Variants in KCNN2 observed in about 807,000 individuals in gnomAD.
KCNN2 encodes potassium calcium-activated channel subfamily N member 2, also known as small conductance calcium-activated potassium channel protein 2.
A neutral mutation model predicts 55.5 loss-of-function variants in KCNN2; 24 were observed. The observed-to-expected ratio is 0.43, with a 90% confidence interval of 0.31 to 0.61. The LOEUF (loss-of-function observed/expected upper bound fraction) is 0.61, where lower values mean the gene tolerates loss of function less well. Ranked by LOEUF, KCNN2 falls within the 20% of genes least tolerant of loss-of-function variation. The probability of loss-of-function intolerance (pLI) is 0.08; values close to 1 mark genes in which losing one functional copy is unlikely to be tolerated. For missense variants in KCNN2, 754 were observed against 853.6 expected (o/e 0.88, Z 1.45); for synonymous variants, 431 against 336.1 (o/e 1.28, Z -3.09).
Position 114,290,609 on chromosome 5 carries a change from T to C in KCNN2, c.-185+69044T>C, listed in dbSNP as rs182555664. Among the ~76,000 whole-genome samples, 235 of 152,256 alleles carry C rather than the reference T, an allele frequency of 1.5e-3. 2 individuals carry two copies. The highest frequency in any genetic ancestry group is 5.3e-3 in the African/African-American group (222 of 41,582). Reference sequence around the variant, plus strand: ...TCTCTAATTTTTATTATTACTTTCTTCCTGTTAGCTTTGTCTTCAGTCTGC... The same window carrying C: ...TCTCTAATTTTTATTATTACTTTCTCCCTGTTAGCTTTGTCTTCAGTCTGC... On this transcript the variant is annotated intron_variant, in intron 2 of 10. Transcript: ENST00000512097.
At chr5:114,470,945 T>G (rs945267925) in intron 4 of KCNN2, among the ~76,000 whole-genome samples, 13 of 152,180 alleles carry the variant, frequency 8.5e-5, no homozygotes, top group African/African-American at 3.1e-4. Flanking sequence ...TTTTACAAAC[T>G]CTCCAAGTGA....
chr5:114,296,022 G>T (rs1756005442), intron 2 of KCNN2, among the ~76,000 whole-genome samples: 1 of 152,048 alleles, frequency 6.6e-6, no homozygotes, highest in East Asian at 1.9e-4. Flanking sequence ...GGTATTATTG[G>T]TATTAACAAA....
intron 2 of KCNN2, among the ~76,000 whole-genome samples, chr5:114,247,626 T>G (rs1242481066): frequency 6.6e-6 from 1 of 152,196 alleles, no homozygotes; most frequent in Non-Finnish European, 1.5e-5. Context: ...TGCCTAATGT[T>G]TTTAGTAGCC....
chr5:114,202,042 G>T (rs1336198501), intron 1 of KCNN2, among the ~76,000 whole-genome samples: 2 of 152,150 alleles, frequency 1.3e-5, no homozygotes, highest in Non-Finnish European at 2.9e-5. Flanking sequence ...GAGCAGGGTG[G>T]CAGGGACCAT....
chr5:114,383,549 A>T (rs1032095220), intron 2 of KCNN2, among the ~76,000 whole-genome samples: 1 of 147,412 alleles, frequency 6.8e-6, no homozygotes, highest in Admixed American at 6.9e-5. Context: ...GCCCACTGCA[A>T]CCTCCGCCTT....
Position 114,362,689 on chromosome 5 carries a change from C to G in KCNN2, c.550C>G (p.His184Asp). The change falls in exon 1 of 8, where the codon CAC becomes GAC. Residue 184 changes from histidine (H) to aspartate (D), a missense_variant. Transcript: ENST00000673685. The stretch of plus-strand genomic sequence containing the variant: ...TCTGGGCTCCGGGCCCCCGCTCTCG[C>G]ACCACCACCACCACCCGCACCCGGC... ...GSLGSGPPLSHHHHHPHPAHH... is the reference protein window; with the variant it reads ...GSLGSGPPLSDHHHHPHPAHH... 1 of 1,420,578 alleles carries G rather than the reference C, an allele frequency of 7.0e-7. No homozygotes were observed. The highest frequency in any genetic ancestry group is 9.2e-7 in the Non-Finnish European group (1 of 1,081,570). The allele number at this position is 1,420,578 out of a possible 1,614,324, so 88.0% of individuals were successfully genotyped here. A position where few individuals can be genotyped will look rare whatever the true frequency, so the allele number is the denominator to read the frequency against.
At chr5:114,241,408 G>C (rs954641123) in intron 2 of KCNN2, among the ~76,000 whole-genome samples, 1 of 151,724 alleles carries the variant, frequency 6.6e-6, no homozygotes, top group African/African-American at 2.4e-5. Flanking sequence ...TGTATACCAA[G>C]TTGCTATAAT....
chr5:114,388,700 A>G (rs114392844), intron 2 of KCNN2, among the ~76,000 whole-genome samples: 2 of 152,124 alleles, frequency 1.3e-5, no homozygotes, highest in Admixed American at 1.3e-4. Flanking sequence ...GTATGTCTCA[A>G]AATGTCTTTC....
chr5:114,187,169 G>C (rs1753350841), intron 1 of KCNN2, among the ~76,000 whole-genome samples: 1 of 152,112 alleles, frequency 6.6e-6, no homozygotes, highest in Non-Finnish European at 1.5e-5. Flanking sequence ...CTAGGTGAGA[G>C]ACAGATTTGT....
chr5:114,335,193 G>A (rs943753230), intron 2 of KCNN2, among the ~76,000 whole-genome samples: 1 of 152,140 alleles, frequency 6.6e-6, no homozygotes, highest in African/African-American at 2.4e-5. Flanking sequence ...AGAGTGCTGG[G>A]ATTACAGGCA....
chr5:114,081,877 A>G (rs915151628), intron 1 of KCNN2, among the ~76,000 whole-genome samples: 1 of 152,210 alleles, frequency 6.6e-6, no homozygotes, highest in South Asian at 2.1e-4. Context: ...CTAATAAAGG[A>G]TTGATATCTA....
At chr5:114,121,234 A>G (rs1295905498) in intron 1 of KCNN2, among the ~76,000 whole-genome samples, 1 of 152,206 alleles carries the variant, frequency 6.6e-6, no homozygotes. Flanking sequence ...CCAGGGTTCC[A>G]TGGCTGGACT....
chr5:114,196,287 A>G (rs1330510508), intron 1 of KCNN2, among the ~76,000 whole-genome samples: 1 of 151,920 alleles, frequency 6.6e-6, no homozygotes, highest in Non-Finnish European at 1.5e-5. Flanking sequence ...TTTGTTTCAA[A>G]TTTTAACATC....
chr5:114,108,883 A>C (rs1173318908), intron 1 of KCNN2, among the ~76,000 whole-genome samples: 1 of 152,120 alleles, frequency 6.6e-6, no homozygotes, highest in African/African-American at 2.4e-5. Context: ...TTGGGTAAAC[A>C]GAAGTGGAAC....
chr5:114,328,742 A>G (rs1158337112), intron 2 of KCNN2, among the ~76,000 whole-genome samples: 1 of 152,026 alleles, frequency 6.6e-6, no homozygotes, highest in East Asian at 1.9e-4. Flanking sequence ...CTTAGGGAAC[A>G]CCTTCCTCAC....
intron 1 of KCNN2, among the ~76,000 whole-genome samples, chr5:114,101,552 A>C (rs562333392): frequency 6.6e-6 from 1 of 151,918 alleles, no homozygotes; most frequent in East Asian, 1.9e-4. Context: ...GTCGTCTGCA[A>C]TTAGGTATTT....
At chr5:114,068,245 A>G (rs1750491133) in intron 1 of KCNN2, among the ~76,000 whole-genome samples, 1 of 152,262 alleles carries the variant, frequency 6.6e-6, no homozygotes, top group Admixed American at 6.5e-5. Flanking sequence ...TCCTTGGAAC[A>G]TAATTATTAA....
intron 1 of KCNN2, among the ~76,000 whole-genome samples, chr5:114,100,564 A>G (rs929463045): frequency 6.6e-6 from 1 of 151,998 alleles, no homozygotes; most frequent in Non-Finnish European, 1.5e-5. Context: ...CAGTATGAAT[A>G]TATGTATCCA....
At chr5:114,325,863 G>A (rs1756704856) in intron 2 of KCNN2, among the ~76,000 whole-genome samples, 1 of 152,160 alleles carries the variant, frequency 6.6e-6, no homozygotes, top group South Asian at 2.1e-4. Context: ...ATTTCCAGGA[G>A]TACTTCTGGT....
Sources: allele counts gnomAD v4.1 joint callset (sites outside exome capture counted in the v4.1 genomes callset), GRCh38; gene constraint gnomAD v4.1.1; transcripts MANE v1.5; gene names NCBI Gene and HGNC (gene_info 2026-07-23, HGNC 2026-07-21).